The following JAK3 variants were observed in gnomAD, a reference collection of about 807,000 sequenced individuals.
JAK3 encodes the protein tyrosine-protein kinase JAK3.
JAK3 carries 88 observed loss-of-function variants against 120.8 expected under a neutral mutation model. That is an observed-to-expected ratio of 0.73 (90% CI 0.61 to 0.87). The LOEUF is 0.87. Ranked by LOEUF, JAK3 falls within the 40% of genes least tolerant of loss-of-function variation. The probability of loss-of-function intolerance (pLI) is 0.00; values close to 1 mark genes in which losing one functional copy is unlikely to be tolerated. For synonymous variants in JAK3, 592 were observed against 628.6 expected (o/e 0.94, Z 0.87); for missense variants, 1,254 against 1,501.4 (o/e 0.84, Z 2.72).
rs1356740696 is a variant in JAK3 at position 17,841,429 on chromosome 19, G to C, written c.1102C>G (p.Leu368Val). 2.0e-5 allele frequency: 31 copies of C among 1,553,766 alleles called. No individual in the cohort carries two copies. Among genetic ancestry groups the C allele is most frequent in the Admixed American group, 5.9e-5 (3 of 51,260 alleles). The part of the protein sequence containing the change: ...FFCKEVAPPR[L>V]LEEVAEQCHG... The stretch of plus-strand genomic sequence containing the variant: ...CACTGCTCGGCCACTTCCTCCAGCA[G>C]CCTCGGCGGTGCCACCTCCTTGCAG... Residue 368 changes from leucine (L) to valine (V), a missense_variant, in exon 8 of 24, where the codon CTG becomes GTG. Coordinates refer to ENST00000458235, the MANE Select transcript of JAK3 (RefSeq NM_000215.4). The surrounding 1 kb of genome is among the most constrained non-coding windows in gnomAD (Gnocchi z 4.1).
chr19:17,847,847 C>T, intron 1 of JAK3, 99 bp downstream of exon 1: 1 of 519,362 alleles, frequency 1.9e-6, no homozygotes, highest in Non-Finnish European at 2.5e-6. Context: ...GCGAGCTAGC[C>T]TTTGCCCTGG....
chr19:17,842,553 C>A lies in JAK3; in HGVS notation c.624G>T (p.Val208=), dbSNP rs868243883. 1 of 1,587,210 alleles carries A rather than the reference C, an allele frequency of 6.3e-7. No individual in the cohort carries two copies. Among genetic ancestry groups the A allele is most frequent in the African/African-American group, 1.3e-5 (1 of 74,558 alleles). The change falls in exon 6 of 24, where the codon GTG becomes GTT. Residue 208 remains valine, a synonymous_variant. Coordinates refer to ENST00000458235, the MANE Select transcript of JAK3 (RefSeq NM_000215.4). The surrounding 1 kb of genome is among the most constrained non-coding windows in gnomAD (Gnocchi z 6.4). The part of the protein sequence containing the change: ...LRDLIQGLSF[V]TRRRIRRTVR... ...CCGTCCTCCGAATACGCCTCCGCGT[C>A]ACGAAGCTCAGGCCCTGGATCAGGT...
chr19:17,836,147 T>G (rs1771154658), intron 13 of JAK3, 96 bp from the exon 14 acceptor site: 1 of 1,434,470 alleles, frequency 7.0e-7, no homozygotes, highest in Admixed American at 1.7e-5. Context: ...TCTCTCAAAC[T>G]CTCATCTCTG....
At position 17,841,839 on chromosome 19, in the gene JAK3, C is replaced by A; in HGVS notation, c.862-77G>T. ...CCACGCCCATGAACCCACCCCCAAG[C>A]CACACCATCCACTCCCTATCCCTTT... On this transcript the variant is annotated intron_variant, in intron 6 of 23. Coordinates refer to ENST00000458235, the MANE Select transcript of JAK3 (RefSeq NM_000215.4). The surrounding 1 kb of genome is among the most constrained non-coding windows in gnomAD (Gnocchi z 4.1). The A allele has an allele frequency of 1.9e-6, 3 of 1,580,126 alleles. No individual in the cohort carries two copies. Among genetic ancestry groups the A allele is most frequent in the Non-Finnish European group, 2.6e-6 (3 of 1,166,696 alleles).
intron 1 of JAK3, among the ~76,000 whole-genome samples, chr19:17,846,192 C>T (rs2147703496): frequency 6.6e-6 from 1 of 152,258 alleles, no homozygotes; most frequent in South Asian, 2.1e-4. Context: ...GGGCTGACTC[C>T]CCAGCATCCT....
chr19:17,842,961 G>T lies in JAK3; in HGVS notation c.566+66C>A. On this transcript the variant is annotated intron_variant, in intron 5 of 23. Transcript: ENST00000458235. This position sits in a 1 kb window ranked among gnomAD's most constrained non-coding sequence, Gnocchi z 6.4. ...AACTCCATGGTGGGAGCCCGGCAAA[G>T]CCCCGATGGAGCCCACGTTGCTCAC... The T allele has an allele frequency of 1.3e-6, 2 of 1,593,536 alleles. No homozygotes were observed. Among genetic ancestry groups the T allele is most frequent in the Non-Finnish European group, 1.7e-6 (2 of 1,171,780 alleles).
At chr19:17,839,738 C>CA in intron 9 of JAK3, 75 bp from the exon 10 acceptor site, 3 of 795,746 alleles carry the variant, frequency 3.8e-6, no homozygotes, top group Non-Finnish European at 5.7e-6. Context: ...CCTTTTTTTT[C>CA]TTTTTTTTTT....
Position 17,841,298 on chromosome 19 carries a change from A to T in JAK3, c.1142+91T>A, listed in dbSNP as rs2094237911. 7.3e-7 allele frequency: 1 copy of T among 1,375,124 alleles called. No individual in the cohort carries two copies. Among genetic ancestry groups the T allele is most frequent in the East Asian group, 2.5e-5 (1 of 39,790 alleles). 85.2% of individuals were successfully genotyped at this position (1,375,124 alleles called of 1,614,324 possible). ...TGGTTTGAAAACTTGACCCCTGTCCAGGGCTCCTGGAAGGTGAGGACACTG... is the reference window on the plus strand; with the variant it reads ...TGGTTTGAAAACTTGACCCCTGTCCTGGGCTCCTGGAAGGTGAGGACACTG... On this transcript the variant is annotated intron_variant, in intron 8 of 23. Transcript: ENST00000458235. This position sits in a 1 kb window ranked among gnomAD's most constrained non-coding sequence, Gnocchi z 4.1.
Position 17,831,173 on chromosome 19 carries a change from G to A in JAK3, c.2978+55C>T, listed in dbSNP as rs2094213796. The A allele has an allele frequency of 5.7e-6, 9 of 1,576,818 alleles. No homozygotes were observed. In the South Asian group the frequency reaches 7.8e-5, roughly 14 times the overall value. Reference sequence around the variant, plus strand: ...CGGGAGGGGGCGGGGGCATGGCTGGGGGCGGAGCCAGAGCCGTGGGGAATA... The same window carrying A: ...CGGGAGGGGGCGGGGGCATGGCTGGAGGCGGAGCCAGAGCCGTGGGGAATA... On this transcript the variant is annotated intron_variant, in intron 21 of 23. Transcript: ENST00000458235. The surrounding 1 kb of genome is among the most constrained non-coding windows in gnomAD (Gnocchi z 5.1).
Position 17,831,435 on chromosome 19 carries a change from C to T in JAK3, c.2806-35G>A, listed in dbSNP as rs2094214358. On this transcript the variant is annotated intron_variant, in intron 20 of 23. Coordinates refer to ENST00000458235, the MANE Select transcript of JAK3 (RefSeq NM_000215.4). The surrounding 1 kb of genome is among the most constrained non-coding windows in gnomAD (Gnocchi z 5.1). ...GGCGGTGTGAGCGTGCAGAGAGGAT[C>T]CCAGGATAATCCGGCAGGTACCCCA... The T allele has an allele frequency of 1.3e-6, 2 of 1,599,326 alleles. No homozygotes were observed. The highest frequency in any genetic ancestry group is 1.7e-4 in the Middle Eastern group (1 of 5,890).
intron 12 of JAK3, 139 bp downstream of exon 12, chr19:17,837,793 G>A (rs569403264): frequency 1.6e-6 from 2 of 1,260,224 alleles, no homozygotes; most frequent in Admixed American, 1.7e-5. Flanking sequence ...CCATCCTCCT[G>A]CCTCAGCCTC....
rs2094256280 is a variant in JAK3 at position 17,847,963 on chromosome 19, T to C, written c.-31A>G. The C allele has an allele frequency of 1.9e-6, 2 of 1,034,982 alleles. No homozygotes were observed. Among genetic ancestry groups the C allele is most frequent in the African/African-American group, 3.4e-5 (2 of 59,340 alleles). 64.1% of individuals were successfully genotyped at this position (1,034,982 alleles called of 1,614,324 possible). On this transcript the variant is annotated 5_prime_UTR_variant, in exon 1 of 24. Coordinates refer to ENST00000458235, the MANE Select transcript of JAK3 (RefSeq NM_000215.4). ...GCTCTTACCTAGCGGGCAGGGACCC[T>C]GGACTTTCGAAGGGCGGGCAGAGCC... is the stretch of plus-strand genomic sequence containing the variant.
chr19:17,842,237 A>G lies in JAK3; in HGVS notation c.861+79T>C. On this transcript the variant is annotated intron_variant, in intron 6 of 23. Coordinates refer to ENST00000458235, the MANE Select transcript of JAK3 (RefSeq NM_000215.4). This position sits in a 1 kb window ranked among gnomAD's most constrained non-coding sequence, Gnocchi z 6.4. ...AAGTCTTTCGTTTTGGCTCCGCCCCACATCCCCTACCACTCTCCGGCCCCT... is the reference window on the plus strand; with the variant it reads ...AAGTCTTTCGTTTTGGCTCCGCCCCGCATCCCCTACCACTCTCCGGCCCCT... The G allele has an allele frequency of 1.5e-6, 2 of 1,333,502 alleles. No homozygotes were observed. The highest frequency in any genetic ancestry group is 3.3e-5 in the South Asian group (2 of 60,282). The allele number at this position is 1,333,502 out of a possible 1,614,324, so 82.6% of individuals were successfully genotyped here.
Position 17,842,302 on chromosome 19 carries a change from G to T in JAK3, c.861+14C>A. 1.3e-6 allele frequency: 2 copies of T among 1,556,352 alleles called. No homozygotes were observed. The highest frequency in any genetic ancestry group is 8.6e-7 in the Non-Finnish European group (1 of 1,157,442). Reference sequence around the variant, plus strand: ...CCCACGTTGGCCCCGCCCAGCGGGGGAGTCCGCCCTCACCTCCTGTTCTCC... The same window carrying T: ...CCCACGTTGGCCCCGCCCAGCGGGGTAGTCCGCCCTCACCTCCTGTTCTCC... On this transcript the variant is annotated intron_variant, in intron 6 of 23. Transcript: ENST00000458235. This position sits in a 1 kb window ranked among gnomAD's most constrained non-coding sequence, Gnocchi z 6.4.
chr19:17,843,980 G>A lies in JAK3; in HGVS notation c.185-80C>T, dbSNP rs1321243841. 47 of 1,553,452 alleles carry A rather than the reference G, an allele frequency of 3.0e-5. No individual in the cohort carries two copies. The highest frequency in any genetic ancestry group is 1.2e-4 in the East Asian group (5 of 43,258). Reference sequence around the variant, plus strand: ...AGGAGTGCCAGCATCATACCCAACCGTCCAGATCCTTCCATACCTCAAGGT... The same window carrying A: ...AGGAGTGCCAGCATCATACCCAACCATCCAGATCCTTCCATACCTCAAGGT... On this transcript the variant is annotated intron_variant, in intron 2 of 23. Transcript: ENST00000458235. This position sits in a 1 kb window ranked among gnomAD's most constrained non-coding sequence, Gnocchi z 5.4.
At chr19:17,828,911 T>C (rs557682322) in intron 23 of JAK3, among the ~76,000 whole-genome samples, 1 of 152,184 alleles carries the variant, frequency 6.6e-6, no homozygotes, top group Non-Finnish European at 1.5e-5. Flanking sequence ...TCCCAGCACT[T>C]TGGGAGGCCG....
intron 17 of JAK3, among the ~76,000 whole-genome samples, chr19:17,833,497 A>G (rs1333915637): frequency 2.7e-5 from 4 of 148,992 alleles, no homozygotes; most frequent in African/African-American, 9.9e-5. Flanking sequence ...TGCTTGAGCC[A>G]GTAATTCAAG....
At chr19:17,839,708 T>C (rs747944817) in intron 9 of JAK3, 45 bp from the exon 10 acceptor site, 1 of 1,335,204 alleles carries the variant, frequency 7.5e-7, no homozygotes, top group Admixed American at 1.9e-5. Flanking sequence ...CGACAGACAC[T>C]CTCCTTCTCA....
chr19:17,830,938 G>C (rs1179686566), intron 21 of JAK3, among the ~76,000 whole-genome samples: 1 of 145,714 alleles, frequency 6.9e-6, no homozygotes, highest in Non-Finnish European at 1.5e-5. Flanking sequence ...CAGCCCTGAG[G>C]GGCGGAGCCA....
Sources: gnomAD v4.1 joint callset for allele counts (sites outside exome capture counted in the v4.1 genomes callset) on GRCh38, gnomAD v4.1.1 for gene constraint, Gnocchi (gnomAD v3.1) non-coding constraint, MANE v1.5 for transcripts, NCBI Gene and HGNC (gene_info 2026-07-23, HGNC 2026-07-21) for gene names.